The following HMGXB4 variants were observed in gnomAD, a reference collection of about 807,000 sequenced individuals.
The protein encoded by HMGXB4 is HMG domain-containing protein 4.
A neutral mutation model predicts 63.9 loss-of-function variants in HMGXB4; 27 were observed. That is an observed-to-expected ratio of 0.42 (90% CI 0.31 to 0.58). The LOEUF is 0.58. HMGXB4 is among the 20% of genes least tolerant of loss of function. The pLI, the probability that HMGXB4 is intolerant of heterozygous loss-of-function variation, is 0.13. For missense variants in HMGXB4, 624 were observed against 700.7 expected, an observed-to-expected ratio of 0.89 and a Z score of 1.24; for synonymous variants, 264 against 265.3, an observed-to-expected ratio of 0.99 and a Z score of 0.05.
intron 6 of HMGXB4, 57 bp from the exon 7 acceptor site, chr22:35,285,940 C>A: frequency 7.7e-7 from 1 of 1,299,094 alleles, no homozygotes; most frequent in East Asian, 2.4e-5. Flanking sequence ...CACCAATCTT[C>A]TATTTTGTTA....
At chr22:35,285,969 T>A (rs779192480) in intron 6 of HMGXB4, 28 bp from the exon 7 acceptor site, 1 of 1,549,278 alleles carries the variant, frequency 6.5e-7, no homozygotes, top group South Asian at 1.1e-5. Context: ...CCCTTTACTG[T>A]ATTGAGTGTT....
intron 9 of HMGXB4, among the ~76,000 whole-genome samples, chr22:35,289,511 A>T (rs1169709933): frequency 6.6e-6 from 1 of 152,228 alleles, no homozygotes; most frequent in Admixed American, 6.5e-5. Context: ...TACAAATTCC[A>T]TAGCAGTTTT....
chr22:35,260,030 T>C (rs1043844258), intron 1 of HMGXB4, among the ~76,000 whole-genome samples: 1 of 152,210 alleles, frequency 6.6e-6, no homozygotes, highest in African/African-American at 2.4e-5. Flanking sequence ...TTTCTTTCTT[T>C]CTGTCTTCAG....
At chr22:35,250,579 A>G in the HMGXB4 span, among the ~76,000 whole-genome samples, 1 of 152,208 alleles carries the variant, frequency 6.6e-6, no homozygotes, top group African/African-American at 2.4e-5. Flanking sequence ...CATGAAGGTC[A>G]CATTTCAACA....
intron 5 of HMGXB4, among the ~76,000 whole-genome samples, chr22:35,279,962 A>G (rs1924146256): frequency 6.6e-6 from 1 of 152,128 alleles, no homozygotes; most frequent in South Asian, 2.1e-4. Flanking sequence ...TGCCTTGTCC[A>G]TTCTGGGTCT....
In HMGXB4 at chr22:35,295,657, T is replaced by C. The variant is rs978980346; in HGVS notation, c.*2006T>C. ...ATTTGGTACTATTAGAGGAAAAACT[T>C]TGGATTCAGACCTTCTTGCAGTTTT... On this transcript the variant is annotated 3_prime_UTR_variant, in exon 11 of 11. Coordinates refer to ENST00000216106, the MANE Select transcript of HMGXB4 (RefSeq NM_001003681.3). 6.6e-6 allele frequency: 1 copy of C among 152,656 alleles called. No individual in the cohort carries two copies. The highest frequency in any genetic ancestry group is 1.5e-5 in the Non-Finnish European group (1 of 68,052). 9.5% of individuals were successfully genotyped at this position (152,656 alleles called of 1,614,324 possible).
the HMGXB4 span, among the ~76,000 whole-genome samples, chr22:35,247,834 A>G: frequency 2.0e-5 from 3 of 152,116 alleles, no homozygotes; most frequent in Non-Finnish European, 4.4e-5. Context: ...AAAGTCTCCC[A>G]AAGACATAAT....
chr22:35,292,566 T>G (rs1924993931), intron 9 of HMGXB4, among the ~76,000 whole-genome samples: 1 of 152,230 alleles, frequency 6.6e-6, no homozygotes. Context: ...TAATCAGCTA[T>G]CAAAAGCTAC....
At chr22:35,284,067 C>T (rs756564501) in intron 6 of HMGXB4, 24 bp downstream of exon 6, 25 of 1,524,230 alleles carry the variant, frequency 1.6e-5, no homozygotes, top group Admixed American at 1.3e-4. Context: ...TGATCTGTAG[C>T]GCTTTTGCTT....
intron 1 of HMGXB4, among the ~76,000 whole-genome samples, chr22:35,261,518 C>A (rs1053335555): frequency 2.6e-5 from 4 of 151,212 alleles, no homozygotes; most frequent in African/African-American, 9.7e-5. Context: ...CATATAAACT[C>A]AAATGCCAAA....
chr22:35,293,214 A>C, intron 10 of HMGXB4, 100 bp downstream of exon 10: 1 of 1,332,452 alleles, frequency 7.5e-7, no homozygotes, highest in Non-Finnish European at 1.1e-6. Context: ...TGTGACACAC[A>C]GTGCTTCCTT....
In HMGXB4 at chr22:35,264,843, T is replaced by G. The variant is rs1283366800; in HGVS notation, c.455T>G (p.Val152Gly). The change falls in exon 5 of 11, where the codon GTC (valine) becomes GGC (glycine). Residue 152 changes from valine (V) to glycine (G), a missense_variant. By Grantham distance (109) the Val-to-Gly change is moderately radical (BLOSUM62 -3). Coordinates refer to ENST00000216106, the MANE Select transcript of HMGXB4 (RefSeq NM_001003681.3). The stretch of plus-strand genomic sequence containing the variant: ...AAAAAGGAGCACCACAGGAAGAAAG[T>G]CAGTGGAAGCAGTGGGGAACTACCC... ...ESKKEHHRKK[V>G]SGSSGELPLE... 1 of 1,613,910 alleles carries G rather than the reference T, an allele frequency of 6.2e-7. No homozygotes were observed. Among genetic ancestry groups the G allele is most frequent in the Admixed American group, 1.7e-5 (1 of 59,994 alleles).
upstream of HMGXB4, among the ~76,000 whole-genome samples, chr22:35,253,707 G>A (rs1051662821): frequency 2.0e-5 from 3 of 152,184 alleles, no homozygotes; most frequent in Admixed American, 1.3e-4. Context: ...TGGGCTACCT[G>A]TGGCCATGAT....
intron 9 of HMGXB4, 141 bp downstream of exon 9, chr22:35,288,548 T>C (rs916653839): frequency 1.4e-5 from 7 of 506,686 alleles, no homozygotes; most frequent in Non-Finnish European, 2.3e-5. Context: ...TGGCGTAACA[T>C]AGAAGATATA....
chr22:35,260,301 T>C (rs557146371), intron 1 of HMGXB4, among the ~76,000 whole-genome samples: 1 of 152,392 alleles, frequency 6.6e-6, no homozygotes, highest in Non-Finnish European at 1.5e-5. Context: ...CTTGGCATTA[T>C]CAGCCTATGA....
At chr22:35,253,880 A>C (rs970399738), upstream of HMGXB4, among the ~76,000 whole-genome samples, 1 of 151,850 alleles carries the variant, frequency 6.6e-6, no homozygotes, top group Non-Finnish European at 1.5e-5. Context: ...TGGTCTCTTT[A>C]TTTTTTTAAT....
chr22:35,289,877 A>C (rs949992816), intron 9 of HMGXB4, among the ~76,000 whole-genome samples: 15 of 152,258 alleles, frequency 9.9e-5, no homozygotes. Context: ...TTCAGCAAAG[A>C]AGTCAGTCTA....
intron 5 of HMGXB4, among the ~76,000 whole-genome samples, chr22:35,280,542 A>G (rs1924184217): frequency 6.6e-6 from 1 of 150,662 alleles, no homozygotes; most frequent in Non-Finnish European, 1.5e-5. Context: ...CCTTCCCCGC[A>G]CTCCTGCAGC....
chr22:35,284,188 T>C lies in HMGXB4; in HGVS notation c.1297+145T>C, dbSNP rs567471136. On this transcript the variant is annotated intron_variant, in intron 6 of 10. Transcript: ENST00000216106. The stretch of plus-strand genomic sequence containing the variant: ...AATCACTTTAGATTTTGCCTTAGTT[T>C]ATCTCATCTGTAAAAGAGATGAACT... 3 of 597,528 alleles carry C rather than the reference T, an allele frequency of 5.0e-6. No individual in the cohort carries two copies. In the South Asian group the frequency reaches 6.8e-5, roughly 14 times the overall value. 37.0% of individuals were successfully genotyped at this position (597,528 alleles called of 1,614,324 possible).
Sources: allele counts gnomAD v4.1 joint callset (sites outside exome capture counted in the v4.1 genomes callset), GRCh38; gene constraint gnomAD v4.1.1; transcripts MANE v1.5; gene names NCBI Gene and HGNC (gene_info 2026-07-23, HGNC 2026-07-21).